Variants in KCNH5 observed in about 807,000 individuals in gnomAD.
KCNH5 encodes potassium voltage-gated channel subfamily H member 5.
Under a neutral mutation model 96.1 loss-of-function variants are expected in KCNH5, and 46 were observed. The ratio of observed to expected loss-of-function variants is 0.48; its 90% CI spans 0.38 to 0.61. KCNH5 has a LOEUF of 0.61. KCNH5 is among the 20% of genes least tolerant of loss of function. The pLI is 0.00. For missense variants in KCNH5, 907 were observed against 1,225.8 expected (o/e 0.74, Z 3.88); for synonymous variants, 439 against 449.8 (o/e 0.98, Z 0.30).
intron 10 of KCNH5, among the ~76,000 whole-genome samples, chr14:62,741,490 T>G (rs116386941): frequency 0.011 from 1,657 of 152,260 alleles, 35 homozygotes; most frequent in African/African-American, 0.038. Context: ...GATTTTAGAT[T>G]GTAAAAGGTG....
intron 5 of KCNH5, among the ~76,000 whole-genome samples, chr14:62,981,845 G>T (rs1890614031): frequency 6.6e-6 from 1 of 152,044 alleles, no homozygotes; most frequent in Non-Finnish European, 1.5e-5. Context: ...TTGCCCAACT[G>T]CAAATTTCCT....
At chr14:62,973,939 T>C (rs1467339925) in intron 6 of KCNH5, among the ~76,000 whole-genome samples, 1 of 152,166 alleles carries the variant, frequency 6.6e-6, no homozygotes, top group African/African-American at 2.4e-5. Flanking sequence ...AGAAGCATAA[T>C]TAGCCTTCCT....
At chr14:63,016,978 G>T (rs763540865) in intron 1 of KCNH5, 24 bp from the exon 2 acceptor site, 4 of 1,591,798 alleles carry the variant, frequency 2.5e-6, no homozygotes, top group Non-Finnish European at 3.4e-6. Context: ...GAGAAAAAAG[G>T]AGGTTATTTA....
intron 6 of KCNH5, among the ~76,000 whole-genome samples, chr14:62,967,396 A>G (rs186893924): frequency 5.3e-4 from 80 of 151,968 alleles, no homozygotes; most frequent in East Asian, 3.9e-4. Flanking sequence ...TTTTCTAAAC[A>G]TAAGTAATAT....
At chr14:62,741,762 C>A (rs755538774) in intron 10 of KCNH5, among the ~76,000 whole-genome samples, 2 of 152,058 alleles carry the variant, frequency 1.3e-5, no homozygotes, top group South Asian at 2.1e-4. Context: ...GGTTTTGTTT[C>A]CTGCTTTTAT....
intron 6 of KCNH5, among the ~76,000 whole-genome samples, chr14:62,978,135 A>G (rs1890536432): frequency 6.6e-6 from 1 of 152,216 alleles, no homozygotes; most frequent in African/African-American, 2.4e-5. Context: ...ATGATTAACA[A>G]CTAGCTCTAC....
intron 8 of KCNH5, among the ~76,000 whole-genome samples, chr14:62,816,444 A>G (rs547409207): frequency 2.0e-4 from 30 of 152,110 alleles, no homozygotes; most frequent in Admixed American, 6.5e-5. Context: ...CTGACACTTA[A>G]CAAAGCAGAC....
intron 10 of KCNH5, among the ~76,000 whole-genome samples, chr14:62,750,883 G>A (rs1885483991): frequency 6.6e-6 from 1 of 152,180 alleles, no homozygotes; most frequent in Non-Finnish European, 1.5e-5. Context: ...AGCATACCCA[G>A]CTTTCCTGTT....
intron 7 of KCNH5, among the ~76,000 whole-genome samples, chr14:62,948,864 T>C (rs1889946100): frequency 6.9e-6 from 1 of 145,544 alleles, no homozygotes; most frequent in African/African-American, 2.6e-5. Flanking sequence ...TATACGCAAA[T>C]CAATAAATGT....
chr14:62,707,772 G>T lies in KCNH5; in HGVS notation c.2703C>A (p.Ile901=). 6.2e-7 allele frequency: 1 copy of T among 1,614,144 alleles called. No individual in the cohort carries two copies. The highest frequency in any genetic ancestry group is 8.5e-7 in the Non-Finnish European group (1 of 1,180,026). ...GTGTGGTCTGTAAGGCCTGCTCGGG[G>T]ATGGGATAAAAGGGGTGCTTGGCAT... ...QADAKHPFYP[I]PEQALQTTLQ... Residue 901 remains isoleucine (I), a synonymous_variant, in exon 11 of 11, where the codon ATC becomes ATA. Coordinates refer to ENST00000322893, the MANE Select transcript of KCNH5 (RefSeq NM_139318.5).
intron 7 of KCNH5, among the ~76,000 whole-genome samples, chr14:62,933,833 A>G (rs879573631): frequency 6.6e-6 from 1 of 152,224 alleles, no homozygotes; most frequent in Admixed American, 6.5e-5. Context: ...CACAGATTAA[A>G]TGAAAAAGAA....
At chr14:62,992,627 A>T (rs1327477490) in intron 4 of KCNH5, among the ~76,000 whole-genome samples, 1 of 152,038 alleles carries the variant, frequency 6.6e-6, no homozygotes, top group East Asian at 1.9e-4. Flanking sequence ...TATTCTTTTG[A>T]AAAATATCTA....
intron 2 of KCNH5, 53 bp downstream of exon 2, chr14:63,016,778 T>C: frequency 6.3e-7 from 1 of 1,575,882 alleles, no homozygotes; most frequent in Non-Finnish European, 8.6e-7. Context: ...TTTAATTACA[T>C]TCAGATTTTT....
intron 9 of KCNH5, among the ~76,000 whole-genome samples, chr14:62,799,264 G>C (rs564255527): frequency 6.6e-6 from 1 of 152,000 alleles, no homozygotes; most frequent in South Asian, 2.1e-4. Flanking sequence ...TCAGTACCAG[G>C]GCAAATCAAA....
chr14:62,759,714 T>C (rs929936206), intron 10 of KCNH5, among the ~76,000 whole-genome samples: 3 of 152,100 alleles, frequency 2.0e-5, no homozygotes, highest in Non-Finnish European at 4.4e-5. Flanking sequence ...CTCCATAAAA[T>C]TGCTGGTTCA....
chr14:62,772,244 C>T (rs146211920), intron 10 of KCNH5, among the ~76,000 whole-genome samples: 4 of 151,860 alleles, frequency 2.6e-5, no homozygotes, highest in African/African-American at 9.7e-5. Flanking sequence ...TTTTAGTATA[C>T]ATAATTTAGT....
Position 62,709,061 on chromosome 14 carries a change from G to A in KCNH5, c.2020-606C>T, listed in dbSNP as rs578218978. ...GAGATCGAGACCACGGTGAAACCCCGTCTCTACTAAAAATACAAAAAATTA... is the reference window on the plus strand; with the variant it reads ...GAGATCGAGACCACGGTGAAACCCCATCTCTACTAAAAATACAAAAAATTA... On this transcript the variant is annotated intron_variant, in intron 10 of 10. Transcript: ENST00000322893. 2.4e-4 allele frequency among the ~76,000 whole-genome samples: 37 copies of A among 151,156 alleles called. No individual in the cohort carries two copies. In the East Asian group the frequency reaches 7.0e-3, roughly 29 times the overall value.
chr14:63,038,435 G>T (rs568614300), intron 1 of KCNH5, among the ~76,000 whole-genome samples: 1 of 151,954 alleles, frequency 6.6e-6, no homozygotes, highest in Non-Finnish European at 1.5e-5. Context: ...CTCAAATTGC[G>T]TATCTTTTGA....
intron 7 of KCNH5, among the ~76,000 whole-genome samples, chr14:62,945,894 A>C (rs544769959): frequency 1.3e-5 from 2 of 152,182 alleles, no homozygotes; most frequent in African/African-American, 4.8e-5. Flanking sequence ...TTGAAAGTGA[A>C]GTGAGTGAGG....
Sources: gnomAD v4.1 joint callset for allele counts (sites outside exome capture counted in the v4.1 genomes callset) on GRCh38, gnomAD v4.1.1 for gene constraint, MANE v1.5 for transcripts, NCBI Gene and HGNC (gene_info 2026-07-23, HGNC 2026-07-21) for gene names.